The following ZFAND1 variants were observed in gnomAD, a reference collection of about 807,000 sequenced individuals.
ZFAND1 encodes the protein zinc finger AN1-type containing 1, also known as AN1-type zinc finger protein 1.
ZFAND1 carries 40 observed loss-of-function variants against 38.5 expected under a neutral mutation model. The observed-to-expected ratio is 1.04, with a 90% CI of 0.81 to 1.35. ZFAND1 has a LOEUF of 1.35. Among genes scored for constraint, ZFAND1 ranks in the 40% most tolerant of loss-of-function variants. The pLI is 0.00. For missense variants in ZFAND1, 346 were observed against 316.3 expected (o/e 1.09, Z -0.71); for synonymous variants, 117 against 103.6 (o/e 1.13, Z -0.78).
chr8:81,714,751 A>C, intron 5 of ZFAND1, 53 bp downstream of exon 5: 1 of 1,505,636 alleles, frequency 6.6e-7, no homozygotes, highest in East Asian at 2.3e-5. Flanking sequence ...AGATATAAGA[A>C]GCAGGAGCTC....
intron 6 of ZFAND1, among the ~76,000 whole-genome samples, chr8:81,704,454 C>A (rs1006056747): frequency 2.0e-5 from 3 of 149,240 alleles, no homozygotes; most frequent in Non-Finnish European, 4.4e-5. Flanking sequence ...GGGAGGATCA[C>A]TTGAGCCCAA....
chr8:81,718,273 T>C (rs1264843191), intron 1 of ZFAND1, 49 bp from the exon 2 acceptor site: 3 of 1,426,470 alleles, frequency 2.1e-6, no homozygotes, highest in South Asian at 1.5e-5. Context: ...GATTTTGATT[T>C]AGTTTTCTTA....
chr8:81,713,880 T>C, intron 6 of ZFAND1, 38 bp downstream of exon 6: 1 of 1,607,818 alleles, frequency 6.2e-7, no homozygotes. Context: ...TCAACTATAT[T>C]TGAAATTTTT....
intron 6 of ZFAND1, among the ~76,000 whole-genome samples, chr8:81,712,202 G>A (rs562553196): frequency 6.6e-6 from 1 of 152,138 alleles, no homozygotes; most frequent in East Asian, 1.9e-4. Flanking sequence ...CATTCATAGT[G>A]TAAATTCCTA....
chr8:81,707,241 G>C (rs374425122), intron 6 of ZFAND1, among the ~76,000 whole-genome samples: 8 of 152,128 alleles, frequency 5.3e-5, no homozygotes, highest in South Asian at 2.1e-4. Context: ...AAAGGAGCTG[G>C]AATCCTCAGG....
Position 81,706,815 on chromosome 8 carries a change from AT to A in ZFAND1, c.481-3692del, listed in dbSNP as rs932798314. ...ATAATATGAGTATACAGAGCTGAAG[AT>A]TTTTTTTCTCTTTATTAGAAATAAG... On this transcript the variant is annotated intron_variant, in intron 6 of 7. Transcript: ENST00000220669. Among the ~76,000 whole-genome samples, 4 of 152,080 alleles carry A rather than the reference AT, an allele frequency of 2.6e-5. No homozygotes were observed. In the East Asian group the frequency reaches 5.8e-4, roughly 22 times the overall value.
In ZFAND1 at chr8:81,703,031, C is replaced by G. The variant is rs1300731550; in HGVS notation, c.574G>C (p.Ala192Pro). The part of the protein sequence containing the change: ...FFCHRWSIGK[A>P]IDFAASLARL... ...GCTAGAGAAGCGGCAAAGTCTATGG[C>G]CTTTCCAATGCTCCATCGGTGGCAA... The change falls in exon 7 of 8, where the codon GCC becomes CCC. Residue 192 changes from alanine to proline, a missense_variant. Transcript: ENST00000220669. 2.5e-6 allele frequency: 4 copies of G among 1,582,574 alleles called. No homozygotes were observed. The highest frequency in any genetic ancestry group is 4.5e-5 in the East Asian group (2 of 44,180).
intron 1 of ZFAND1, among the ~76,000 whole-genome samples, chr8:81,718,662 A>C (rs1034384100): frequency 6.7e-6 from 1 of 149,604 alleles, no homozygotes; most frequent in African/African-American, 2.4e-5. Flanking sequence ...TTTTATATAT[A>C]TCCAATAAAT....
rs1276204649 is a variant in ZFAND1, at chr8:81,721,221, G to A, written c.55+6C>T. The A allele has an allele frequency of 3.9e-6, 6 of 1,547,832 alleles. No homozygotes were observed. The African/African-American group carries it at 5.5e-5, about 14-fold the overall frequency. On this transcript the variant is annotated splice_donor_region_variant and intron_variant, in intron 1 of 7. Coordinates refer to ENST00000220669, the MANE Select transcript of ZFAND1 (RefSeq NM_024699.3). Reference sequence around the variant, plus strand: ...CGGGGATGGGGGCTGGAAGCTCCCGGATCACCTCGCTGCCGGCAATGCTCC... The same window carrying A: ...CGGGGATGGGGGCTGGAAGCTCCCGAATCACCTCGCTGCCGGCAATGCTCC...
chr8:81,713,137 T>C (rs949772687), intron 6 of ZFAND1, among the ~76,000 whole-genome samples: 8 of 152,238 alleles, frequency 5.3e-5, no homozygotes, highest in Admixed American at 3.9e-4. Context: ...GTTCGTTTTT[T>C]TTTGAGACGG....
At chr8:81,710,003 T>C (rs1234966066) in intron 6 of ZFAND1, among the ~76,000 whole-genome samples, 2 of 152,244 alleles carry the variant, frequency 1.3e-5, no homozygotes, top group African/African-American at 2.4e-5. Flanking sequence ...TAAGTATTAC[T>C]GAATACTTGA....
At chr8:81,717,176 A>G in intron 3 of ZFAND1, 73 bp downstream of exon 3, 1 of 1,340,484 alleles carries the variant, frequency 7.5e-7, no homozygotes, top group Admixed American at 2.6e-5. Context: ...ACTGCCTTTA[A>G]ATCTAATCAA....
At chr8:81,719,354 C>CAG (rs1334131156) in intron 1 of ZFAND1, among the ~76,000 whole-genome samples, 2 of 148,604 alleles carry the variant, frequency 1.3e-5, no homozygotes, top group Non-Finnish European at 3.0e-5. Context: ...CACACACACA[C>CAG]AAATTAGCTG....
intron 6 of ZFAND1, chr8:81,708,801 T>C (rs934932374): frequency 2.4e-6 from 3 of 1,265,004 alleles, no homozygotes; most frequent in Admixed American, 5.3e-5. Flanking sequence ...GTTAGTGCTC[T>C]TAAAAATACT....
At chr8:81,714,709 GTTA>G (rs1808246489) in intron 5 of ZFAND1, 92 bp downstream of exon 5, 1 of 1,021,686 alleles carries the variant, frequency 9.8e-7, no homozygotes, top group Non-Finnish European at 1.5e-6. Context: ...TACCACTGGG[GTTA>G]TTAATGATGC....
At chr8:81,718,960 T>C (rs1034331766) in intron 1 of ZFAND1, among the ~76,000 whole-genome samples, 31 of 151,852 alleles carry the variant, frequency 2.0e-4, no homozygotes, top group African/African-American at 5.1e-4. Context: ...GAGACAGATA[T>C]AAAGATACAA....
intron 2 of ZFAND1, 138 bp from the exon 3 acceptor site, chr8:81,717,426 C>A: frequency 1.9e-6 from 1 of 533,442 alleles, no homozygotes. Flanking sequence ...TGAGAAAAAA[C>A]TGAAATGTCA....
At chr8:81,705,895 G>GT (rs1380214482) in intron 6 of ZFAND1, among the ~76,000 whole-genome samples, 1 of 152,162 alleles carries the variant, frequency 6.6e-6, no homozygotes, top group Non-Finnish European at 1.5e-5. Context: ...TCCAGCCTGG[G>GT]TGACAGAGTG....
intron 3 of ZFAND1, among the ~76,000 whole-genome samples, chr8:81,716,158 T>C (rs770161879): frequency 6.6e-6 from 1 of 152,212 alleles, no homozygotes; most frequent in Non-Finnish European, 1.5e-5. Flanking sequence ...AGAGAACAGA[T>C]GTGAAAATAT....
Sources: allele counts gnomAD v4.1 joint callset (sites outside exome capture counted in the v4.1 genomes callset), GRCh38; gene constraint gnomAD v4.1.1; transcripts MANE v1.5; gene names NCBI Gene and HGNC (gene_info 2026-07-23, HGNC 2026-07-21).